The following BLM variants were observed in gnomAD, a reference collection of about 807,000 sequenced individuals.
BLM encodes recQ-like DNA helicase BLM.
Under a neutral mutation model 135.3 loss-of-function variants are expected in BLM, and 95 were observed. The ratio of observed to expected loss-of-function variants is 0.70; its 90% confidence interval spans 0.59 to 0.83. BLM has a LOEUF of 0.83. Among genes scored for constraint, BLM ranks in the 40% least tolerant of loss-of-function variants. BLM has a pLI of 0.00. For missense variants in BLM, 1,518 were observed against 1,663.9 expected (o/e 0.91, Z 1.53); for synonymous variants, 520 against 589.2 (o/e 0.88, Z 1.70).
rs753664070 is a variant in BLM at position 90,815,141 on chromosome 15, A to G, written c.4116A>G (p.Lys1372=). ...GTAGAAAGATATCTTCCAAAACGAAATCCTCCAGCATCATTGGATCCAGTT... is the reference window on the plus strand; with the variant it reads ...GTAGAAAGATATCTTCCAAAACGAAGTCCTCCAGCATCATTGGATCCAGTT... ...ATCRKISSKT[K]SSSIIGSSSA... Residue 1372 remains lysine (K), a synonymous_variant, in exon 22 of 22, where the codon AAA becomes AAG. Transcript: ENST00000355112. The surrounding 1 kb of genome is among the most constrained non-coding windows in gnomAD (Gnocchi z 4.6). 2.5e-6 allele frequency: 4 copies of G among 1,614,160 alleles called. No homozygotes were observed. Among genetic ancestry groups the G allele is most frequent in the Non-Finnish European group, 3.4e-6 (4 of 1,180,026 alleles).
At chr15:90,802,646 T>C (rs1176271947) in intron 17 of BLM, among the ~76,000 whole-genome samples, 1 of 152,150 alleles carries the variant, frequency 6.6e-6, no homozygotes, top group East Asian at 1.9e-4. Context: ...AAACTGACTG[T>C]CAAAAATTGT....
At chr15:90,799,281 G>A (rs1451672723) in intron 17 of BLM, among the ~76,000 whole-genome samples, 3 of 151,922 alleles carry the variant, frequency 2.0e-5, no homozygotes, top group African/African-American at 7.3e-5. Context: ...AGACTCCTTA[G>A]TATCGTCTTA....
intron 21 of BLM, among the ~76,000 whole-genome samples, chr15:90,812,081 C>T (rs1055840055): frequency 2.0e-5 from 3 of 152,198 alleles, no homozygotes; most frequent in Non-Finnish European, 2.9e-5. Flanking sequence ...ATAAATCATA[C>T]ACTAGCTGAA....
At chr15:90,803,894 G>A (rs970306421) in intron 18 of BLM, among the ~76,000 whole-genome samples, 174 bp downstream of exon 18, 3 of 152,126 alleles carry the variant, frequency 2.0e-5, no homozygotes, top group African/African-American at 4.8e-5. Flanking sequence ...TTCAACCCAA[G>A]TAATATGACA....
chr15:90,747,685 A>G (rs1224126782), intron 2 of BLM, 195 bp downstream of exon 2: 2 of 566,418 alleles, frequency 3.5e-6, no homozygotes, highest in Non-Finnish European at 3.2e-6. Flanking sequence ...TCATCTTTGC[A>G]TGGTTCCTGG....
intron 12 of BLM, among the ~76,000 whole-genome samples, chr15:90,777,110 TG>T (rs1177803148): frequency 5.9e-5 from 9 of 151,508 alleles, no homozygotes; most frequent in African/African-American, 2.2e-4. Flanking sequence ...CCTGAGTAGC[TG>T]GGACTACAGG....
At chr15:90,807,389 T>G (rs995551619) in intron 19 of BLM, among the ~76,000 whole-genome samples, 1 of 152,084 alleles carries the variant, frequency 6.6e-6, no homozygotes, top group Non-Finnish European at 1.5e-5. Context: ...GTGCCTGGGT[T>G]TTTTTTGTTT....
chr15:90,809,095 A>G, intron 19 of BLM, 42 bp from the exon 20 acceptor site: 1 of 1,612,176 alleles, frequency 6.2e-7, no homozygotes, highest in Non-Finnish European at 8.5e-7. Context: ...TGGGTTTTCT[A>G]TGGGTGATAA....
chr15:90,773,511 C>CTTTTTTT (rs55678339), intron 12 of BLM, among the ~76,000 whole-genome samples: 1,523 of 100,604 alleles, frequency 0.015, no homozygotes, highest in East Asian at 0.025. Context: ...CTTCAATGGC[C>CTTTTTTT]TTTTTTTTTT....
Position 90,811,285 on chromosome 15 carries a change from AT to A in BLM, c.3956del (p.Ile1319AsnfsTer87), listed in dbSNP as rs1555425080. The stretch of plus-strand genomic sequence containing the variant: ...TGCCGCTGAGGAGCTCGACGAGGAA[AT>A]ACCCGTATCTTCCCACTACTTTGCA... ...RSAAEELDEEIPVSSHYFASK... is the reference protein window; with the variant it reads ...RSAAEELDEEXPVSSHYFASK... On this transcript the variant is annotated frameshift_variant, in exon 21 of 22. Transcript: ENST00000355112. LOFTEE classifies it high-confidence loss of function. 6.2e-7 allele frequency: 1 copy of A among 1,614,224 alleles called. No individual in the cohort carries two copies. Among genetic ancestry groups the A allele is most frequent in the Non-Finnish European group, 8.5e-7 (1 of 1,180,040 alleles).
intron 12 of BLM, among the ~76,000 whole-genome samples, chr15:90,774,856 T>A (rs1297042423): frequency 2.7e-5 from 4 of 146,688 alleles, no homozygotes; most frequent in Non-Finnish European, 6.0e-5. Flanking sequence ...TGGTGAATAA[T>A]CCATTGGATA....
In BLM at chr15:90,782,808, T is replaced by G. The variant is rs1397742606; in HGVS notation, c.2556-14T>G. On this transcript the variant is annotated splice_polypyrimidine_tract_variant and intron_variant, in intron 12 of 21. Transcript: ENST00000355112. The stretch of plus-strand genomic sequence containing the variant: ...TCTCATAATAACTAAATTTTATGTT[T>G]GGGACTTTTTTAGGTTTAGCATGAG... 2 of 1,574,042 alleles carry G rather than the reference T, an allele frequency of 1.3e-6. No individual in the cohort carries two copies. The highest frequency in any genetic ancestry group is 1.7e-6 in the Non-Finnish European group (2 of 1,143,634).
chr15:90,739,607 GA>G (rs1895310852), intron 1 of BLM, among the ~76,000 whole-genome samples: 1 of 152,130 alleles, frequency 6.6e-6, no homozygotes, highest in Non-Finnish European at 1.5e-5. Context: ...AGCCAGTCCC[GA>G]AAAGGCAAAT....
chr15:90,777,117 A>G (rs1596246139), intron 12 of BLM, among the ~76,000 whole-genome samples: 1 of 150,378 alleles, frequency 6.6e-6, no homozygotes, highest in Non-Finnish European at 1.5e-5. Flanking sequence ...AGCTGGGACT[A>G]CAGGCACATA....
At chr15:90,758,356 G>A (rs529887962) in intron 5 of BLM, among the ~76,000 whole-genome samples, 3 of 152,144 alleles carry the variant, frequency 2.0e-5, no homozygotes, top group East Asian at 1.9e-4. Flanking sequence ...GCGTGGTAGC[G>A]TGTGCTTGTA....
At chr15:90,814,339 TTTTG>T (rs1368669308) in intron 21 of BLM, among the ~76,000 whole-genome samples, 1 of 152,004 alleles carries the variant, frequency 6.6e-6, no homozygotes. Context: ...GGCCCCATGG[TTTTG>T]TTTGTTTTTA....
Position 90,815,059 on chromosome 15 carries a change from G to T in BLM, c.4077-43G>T, listed in dbSNP as rs1187489374. The T allele has an allele frequency of 6.3e-7, 1 of 1,590,692 alleles. No homozygotes were observed. The highest frequency in any genetic ancestry group is 8.6e-7 in the Non-Finnish European group (1 of 1,162,466). The stretch of plus-strand genomic sequence containing the variant: ...GTTGAGAGGAAGGTCATTCATTTTT[G>T]GTTTCATTTAACATTTTGATTTTTT... On this transcript the variant is annotated intron_variant, in intron 21 of 21. Transcript: ENST00000355112. This position sits in a 1 kb window ranked among gnomAD's most constrained non-coding sequence, Gnocchi z 4.6.
chr15:90,722,907 C>G (rs1231897964), intron 1 of BLM, among the ~76,000 whole-genome samples: 1 of 152,172 alleles, frequency 6.6e-6, no homozygotes, highest in African/African-American at 2.4e-5. Context: ...GTGGCGCGAT[C>G]TCGGCTCACT....
rs568573297 is a variant in BLM at position 90,724,113 on chromosome 15, G to A, written c.-5+6673G>A. Among the ~76,000 whole-genome samples the A allele has an allele frequency of 1.6e-4, 25 of 152,018 alleles. No individual in the cohort carries two copies. The East Asian group carries it at 3.9e-3, about 23-fold the overall frequency. Reference sequence around the variant, plus strand: ...CTGCAGCCTCTAACTCCTGGGCTCAGATGATCCTTCTGCCTCAGCCTCCCG... The same window carrying A: ...CTGCAGCCTCTAACTCCTGGGCTCAAATGATCCTTCTGCCTCAGCCTCCCG... On this transcript the variant is annotated intron_variant, in intron 1 of 21. Transcript: ENST00000355112.
Sources: allele counts gnomAD v4.1 joint callset (sites outside exome capture counted in the v4.1 genomes callset), GRCh38; gene constraint gnomAD v4.1.1; non-coding constraint Gnocchi (gnomAD v3.1); transcripts MANE v1.5; gene names NCBI Gene and HGNC (gene_info 2026-07-23, HGNC 2026-07-21).